Variants in CNTN6 observed in about 807,000 individuals in gnomAD.
CNTN6 encodes contactin 6.
A neutral mutation model predicts 122.8 loss-of-function variants in CNTN6; 137 were observed. The ratio of observed to expected loss-of-function variants is 1.12; its 90% CI spans 0.97 to 1.29. The LOEUF (loss-of-function observed/expected upper bound fraction) is 1.29. Among genes scored for constraint, CNTN6 ranks in the 50% most tolerant of loss-of-function variants. The pLI is 0.00. For missense variants in CNTN6, 1,634 were observed against 1,223.4 expected (o/e 1.34, Z -5.01); for synonymous variants, 570 against 426.0 (o/e 1.34, Z -4.16).
At chr3:1,341,821 G>A (rs1033840033) in intron 11 of CNTN6, among the ~76,000 whole-genome samples, 2 of 152,060 alleles carry the variant, frequency 1.3e-5, no homozygotes, top group Admixed American at 6.6e-5. Context: ...CAGTAATTAC[G>A]CACTAGTTGT....
At chr3:1,206,867 T>A (rs1018249352) in intron 2 of CNTN6, among the ~76,000 whole-genome samples, 2 of 152,124 alleles carry the variant, frequency 1.3e-5, no homozygotes, top group African/African-American at 4.8e-5. Context: ...TAGATTCTAG[T>A]CCATCACTCT....
At chr3:1,209,375 G>C (rs2094001013) in intron 2 of CNTN6, among the ~76,000 whole-genome samples, 1 of 152,092 alleles carries the variant, frequency 6.6e-6, no homozygotes, top group Admixed American at 6.6e-5. Flanking sequence ...GAAATAACAA[G>C]CATGGCCACT....
intron 17 of CNTN6, among the ~76,000 whole-genome samples, chr3:1,379,557 C>A (rs1710358103): frequency 6.6e-6 from 1 of 151,966 alleles, no homozygotes; most frequent in Non-Finnish European, 1.5e-5. Flanking sequence ...GCACATGTAC[C>A]CCCGAATCTA....
chr3:1,160,367 T>TATATATATATAC (rs1491110079), intron 2 of CNTN6, among the ~76,000 whole-genome samples: 2 of 112,550 alleles, frequency 1.8e-5, no homozygotes, highest in Non-Finnish European at 3.9e-5. Context: ...TATATATATA[T>TATATATATATAC]ACACACTACC....
chr3:1,164,346 A>G (rs1317471816), intron 2 of CNTN6, among the ~76,000 whole-genome samples: 1 of 152,256 alleles, frequency 6.6e-6, no homozygotes, highest in Non-Finnish European at 1.5e-5. Flanking sequence ...AGTGCCCAAG[A>G]GGGCTTGTTA....
intron 3 of CNTN6, among the ~76,000 whole-genome samples, 165 bp downstream of exon 3, chr3:1,220,978 G>C (rs1398651843): frequency 6.6e-6 from 1 of 152,120 alleles, no homozygotes; most frequent in South Asian, 2.1e-4. Flanking sequence ...AAAGATATAG[G>C]CATTTCCAGT....
intron 4 of CNTN6, among the ~76,000 whole-genome samples, chr3:1,273,770 G>C (rs1215685306): frequency 6.6e-6 from 1 of 152,140 alleles, no homozygotes; most frequent in African/African-American, 2.4e-5. Context: ...TCAGCTAATA[G>C]AAATCCCATT....
intron 4 of CNTN6, among the ~76,000 whole-genome samples, chr3:1,267,382 C>G (rs1005965876): frequency 6.6e-6 from 1 of 151,956 alleles, no homozygotes; most frequent in South Asian, 2.1e-4. Context: ...ATTGCTTAAC[C>G]TTTCTGAGCA....
rs1036205392 is a variant in CNTN6 at position 1,244,287 on chromosome 3, C to T, written c.358+16294C>T. 5.3e-5 allele frequency among the ~76,000 whole-genome samples: 8 copies of T among 152,066 alleles called. No homozygotes were observed. The East Asian group carries it at 7.8e-4, about 15-fold the overall frequency. ...GGAAGCAAACCCAGAGAAAAGAGAG[C>T]GTAGAGACACGGAGGGAAGGGGTTT... On this transcript the variant is annotated intron_variant, in intron 4 of 22. Coordinates refer to ENST00000446702, the MANE Select transcript of CNTN6 (RefSeq NM_001289080.2).
intron 5 of CNTN6, among the ~76,000 whole-genome samples, chr3:1,286,329 T>C (rs1241835197): frequency 1.3e-5 from 2 of 152,176 alleles, no homozygotes; most frequent in African/African-American, 4.8e-5. Context: ...GTTTTTCTCC[T>C]AATGCTATCC....
chr3:1,169,844 GATAA>G (rs766911882), intron 2 of CNTN6, among the ~76,000 whole-genome samples: 12 of 152,086 alleles, frequency 7.9e-5, no homozygotes, highest in Non-Finnish European at 1.6e-4. Flanking sequence ...TTCTGACTTT[GATAA>G]ATAATCAAAT....
At chr3:1,214,378 A>C (rs1198025349) in intron 2 of CNTN6, among the ~76,000 whole-genome samples, 1 of 125,792 alleles carries the variant, frequency 7.9e-6, no homozygotes, top group African/African-American at 3.1e-5. Context: ...GCGTAATCTC[A>C]GCTCACTGCA....
chr3:1,180,301 G>A (rs1027307014), intron 2 of CNTN6, among the ~76,000 whole-genome samples: 1 of 152,160 alleles, frequency 6.6e-6, no homozygotes, highest in South Asian at 2.1e-4. Flanking sequence ...AAGATGAAGT[G>A]GGGATGGGTA....
intron 6 of CNTN6, 140 bp from the exon 7 acceptor site, chr3:1,297,749 A>G (rs1339925948): frequency 1.3e-5 from 8 of 621,738 alleles, no homozygotes; most frequent in Non-Finnish European, 2.2e-5. Flanking sequence ...AGCATTTTAG[A>G]ATCTATATGT....
intron 1 of CNTN6, among the ~76,000 whole-genome samples, chr3:1,127,298 A>G (rs1421464807): frequency 1.3e-5 from 2 of 151,844 alleles, no homozygotes; most frequent in Non-Finnish European, 1.5e-5. Context: ...CTTTATATAA[A>G]TGTTACTAGT....
chr3:1,214,857 A>T (rs991970066), intron 2 of CNTN6, among the ~76,000 whole-genome samples: 2 of 152,092 alleles, frequency 1.3e-5, no homozygotes, highest in African/African-American at 4.8e-5. Context: ...CCTGGGCTCA[A>T]GTGATTCTCT....
intron 2 of CNTN6, among the ~76,000 whole-genome samples, chr3:1,219,598 A>G (rs947991571): frequency 4.1e-4 from 63 of 152,188 alleles, no homozygotes; most frequent in African/African-American, 1.4e-3. Context: ...ATACCTGACT[A>G]TTCAGACAAG....
intron 3 of CNTN6, among the ~76,000 whole-genome samples, chr3:1,223,530 G>C (rs2094237382): frequency 6.6e-6 from 1 of 152,184 alleles, no homozygotes; most frequent in Non-Finnish European, 1.5e-5. Flanking sequence ...CCTGCAAAGG[G>C]AAGAGAAATG....
intron 1 of CNTN6, among the ~76,000 whole-genome samples, chr3:1,119,682 AC>A (rs1186072900): frequency 1.3e-5 from 2 of 151,086 alleles, no homozygotes; most frequent in Admixed American, 6.6e-5. Flanking sequence ...ACTTTCCATC[AC>A]CCCCCTTAGT....
Sources: allele counts gnomAD v4.1 joint callset (sites outside exome capture counted in the v4.1 genomes callset), GRCh38; gene constraint gnomAD v4.1.1; transcripts MANE v1.5; gene names NCBI Gene and HGNC (gene_info 2026-07-23, HGNC 2026-07-21).